ADGRL2: variants seen among roughly 807,000 people sequenced by gnomAD.
The protein encoded by ADGRL2 is adhesion G protein-coupled receptor L2.
In ADGRL2, 44 loss-of-function variants were observed where a neutral mutation model predicts 157.4. That is an observed-to-expected ratio of 0.28 (90% confidence interval 0.22 to 0.36). The LOEUF (loss-of-function observed/expected upper bound fraction) is 0.36. Ranked by LOEUF, ADGRL2 falls within the 10% of genes least tolerant of loss-of-function variation. The probability of loss-of-function intolerance (pLI) is 1.00; values close to 1 mark genes in which losing one functional copy is unlikely to be tolerated. For synonymous variants in ADGRL2, 585 were observed against 624.7 expected (o/e 0.94, Z 0.95); for missense variants, 1,510 against 1,768.9 (o/e 0.85, Z 2.63).
At chr1:81,819,346 G>T (rs2090749201) in intron 1 of ADGRL2, among the ~76,000 whole-genome samples, 1 of 152,096 alleles carries the variant, frequency 6.6e-6, no homozygotes, top group African/African-American at 2.4e-5. Flanking sequence ...CCATTAGCCT[G>T]CTTTAGTGGA....
intron 2 of ADGRL2, among the ~76,000 whole-genome samples, chr1:81,501,400 G>T (rs2078843500): frequency 1.3e-5 from 2 of 152,192 alleles, no homozygotes; most frequent in Non-Finnish European, 2.9e-5. Flanking sequence ...TCCTATGTGT[G>T]TTGAGAGTTC....
At chr1:81,831,047 G>C (rs1318171958) in intron 1 of ADGRL2, among the ~76,000 whole-genome samples, 2 of 152,148 alleles carry the variant, frequency 1.3e-5, no homozygotes, top group Non-Finnish European at 2.9e-5. Flanking sequence ...ACATAAGATT[G>C]CATCTTATGA....
rs1173017506 is a variant in ADGRL2, at chr1:81,760,046, C to CA, written c.-142-1757dup. Among the ~76,000 whole-genome samples, 8 of 151,748 alleles carry CA rather than the reference C, an allele frequency of 5.3e-5. No homozygotes were observed. In the South Asian group the frequency reaches 1.0e-3, roughly 20 times the overall value. On this transcript the variant is annotated intron_variant, in intron 1 of 20. Coordinates refer to the ADGRL2 transcript ENST00000359929. ...AAAAAAGAAATGGTAGAGAAAAGAG[C>CA]AAAAAAAATTCTTTTTTAAATCAAT...
intron 2 of ADGRL2, among the ~76,000 whole-genome samples, chr1:81,788,195 G>T (rs1040465317): frequency 1.5e-5 from 2 of 132,776 alleles, no homozygotes; most frequent in African/African-American, 5.7e-5. Flanking sequence ...GAGAATACAG[G>T]GAGTAAGAAA....
chr1:81,703,077 G>A (rs1415267490), intron 1 of ADGRL2, among the ~76,000 whole-genome samples: 1 of 152,168 alleles, frequency 6.6e-6, no homozygotes, highest in Non-Finnish European at 1.5e-5. Flanking sequence ...AACCATAGAA[G>A]GAATGAAAGC....
intron 2 of ADGRL2, among the ~76,000 whole-genome samples, chr1:81,778,889 A>G (rs2086702777): frequency 1.3e-5 from 2 of 152,236 alleles, no homozygotes; most frequent in Non-Finnish European, 2.9e-5. Context: ...TTGTAGTTGT[A>G]TGATCTTGGG....
At chr1:81,846,051 A>G (rs989717149) in intron 2 of ADGRL2, among the ~76,000 whole-genome samples, 3 of 151,836 alleles carry the variant, frequency 2.0e-5, no homozygotes, top group Non-Finnish European at 4.4e-5. Context: ...TAACGTTTTT[A>G]TAAGGGGAAA....
chr1:81,839,742 C>CATAT lies in ADGRL2; in HGVS notation c.73+2694_73+2697dup, dbSNP rs34164002. On this transcript the variant is annotated intron_variant, in intron 2 of 23. Transcript: ENST00000686636. The stretch of plus-strand genomic sequence containing the variant: ...TTTTTATGGCTGAGTAGTATTCCAT[C>CATAT]ATATATATATATGTATTTTTTTCAT... Among the ~76,000 whole-genome samples the CATAT allele has an allele frequency of 6.1e-5, 9 of 146,760 alleles. No homozygotes were observed. The South Asian group carries it at 8.6e-4, about 14-fold the overall frequency.
chr1:81,330,578 C>T (rs1013681762), intron 1 of ADGRL2, among the ~76,000 whole-genome samples: 3 of 152,132 alleles, frequency 2.0e-5, no homozygotes, highest in Admixed American at 2.0e-4. Context: ...AGGAATTATT[C>T]TTTTAAACTG....
chr1:81,713,253 A>G (rs1466821845), intron 1 of ADGRL2, among the ~76,000 whole-genome samples: 1 of 152,128 alleles, frequency 6.6e-6, no homozygotes, highest in African/African-American at 2.4e-5. Context: ...ACACTCTGAG[A>G]CGTGCATTTT....
chr1:81,352,631 C>T (rs1662983450), intron 1 of ADGRL2, among the ~76,000 whole-genome samples: 1 of 152,096 alleles, frequency 6.6e-6, no homozygotes, highest in Admixed American at 6.5e-5. Context: ...GTTATATGGC[C>T]TTCCTATCAA....
At chr1:81,516,248 T>A (rs1223645996) in intron 2 of ADGRL2, among the ~76,000 whole-genome samples, 1 of 152,324 alleles carries the variant, frequency 6.6e-6, no homozygotes, top group East Asian at 1.9e-4. Context: ...TTTTTCAAAA[T>A]GACAATAGAT....
At chr1:81,572,331 G>T (rs995873041) in intron 2 of ADGRL2, among the ~76,000 whole-genome samples, 1 of 152,070 alleles carries the variant, frequency 6.6e-6, no homozygotes, top group Non-Finnish European at 1.5e-5. Context: ...CCAAACAAAC[G>T]TTTATTCATT....
At chr1:81,568,697 CA>C (rs1449694431) in intron 2 of ADGRL2, among the ~76,000 whole-genome samples, 1 of 152,078 alleles carries the variant, frequency 6.6e-6, no homozygotes, top group Non-Finnish European at 1.5e-5. Context: ...AAACAATCTG[CA>C]AAGAATCATA....
chr1:81,759,571 T>C (rs1207670017), intron 1 of ADGRL2, among the ~76,000 whole-genome samples: 1 of 152,078 alleles, frequency 6.6e-6, no homozygotes, highest in Non-Finnish European at 1.5e-5. Context: ...TCCACAAAAG[T>C]TTTTTCTAGT....
intron 3 of ADGRL2, among the ~76,000 whole-genome samples, chr1:81,651,103 C>G (rs2082411410): frequency 6.6e-6 from 1 of 152,070 alleles, no homozygotes. Context: ...GAATAGAGTC[C>G]AAAGTGCTAT....
intron 2 of ADGRL2, among the ~76,000 whole-genome samples, chr1:81,454,397 TC>T (rs374823442): frequency 7.0e-4 from 107 of 152,324 alleles, no homozygotes; most frequent in African/African-American, 2.5e-3. Flanking sequence ...TGATTCATTA[TC>T]TTGTGATATA....
chr1:81,730,244 G>A (rs370035621), intron 1 of ADGRL2, among the ~76,000 whole-genome samples: 3 of 152,164 alleles, frequency 2.0e-5, no homozygotes, highest in African/African-American at 7.2e-5. Flanking sequence ...CATTTTAGAT[G>A]TTTTACATAT....
chr1:81,798,052 TTGAG>T (rs1345730241), upstream of ADGRL2, among the ~76,000 whole-genome samples: 3 of 152,214 alleles, frequency 2.0e-5, no homozygotes, highest in Non-Finnish European at 2.9e-5. Context: ...ACAATATAGA[TTGAG>T]TAATTAAATT....
Sources: allele counts gnomAD v4.1 joint callset (sites outside exome capture counted in the v4.1 genomes callset), GRCh38; gene constraint gnomAD v4.1.1; transcripts MANE v1.5; gene names NCBI Gene and HGNC (gene_info 2026-07-23, HGNC 2026-07-21).